Variants in OPRM1 observed in about 807,000 individuals in gnomAD.
OPRM1 encodes the protein mu-type opioid receptor.
In OPRM1, 27 loss-of-function variants were observed where a neutral mutation model predicts 31.8. The observed-to-expected ratio is 0.85, with a 90% CI of 0.63 to 1.17. OPRM1 has a LOEUF of 1.17. Among genes scored for constraint, OPRM1 ranks in the 50% most tolerant of loss-of-function variants. OPRM1 has a pLI of 0.00. For missense variants in OPRM1, 536 were observed against 511.1 expected, an observed-to-expected ratio of 1.05 and a Z score of -0.47; for synonymous variants, 196 against 189.9, an observed-to-expected ratio of 1.03 and a Z score of -0.26.
At chr6:154,100,434 G>C (rs546820344) in intron 3 of OPRM1, among the ~76,000 whole-genome samples, 1 of 151,708 alleles carries the variant, frequency 6.6e-6, no homozygotes, top group African/African-American at 2.4e-5. Flanking sequence ...TTGCTTTACT[G>C]TGTATGAATC....
chr6:154,142,496 A>T (rs1798245080), intron 3 of OPRM1, among the ~76,000 whole-genome samples: 1 of 151,992 alleles, frequency 6.6e-6, no homozygotes. Context: ...TCGCCCTGGG[A>T]TTATAGGCCA....
chr6:154,185,985 G>A (rs776228648), intron 3 of OPRM1, among the ~76,000 whole-genome samples: 3 of 152,200 alleles, frequency 2.0e-5, no homozygotes, highest in African/African-American at 7.2e-5. Context: ...CTTAACAGGG[G>A]TTATTGCTTG....
chr6:154,242,909 T>C (rs1452800100), intron 3 of OPRM1, among the ~76,000 whole-genome samples: 2 of 133,050 alleles, frequency 1.5e-5, no homozygotes, highest in Non-Finnish European at 1.6e-5. Flanking sequence ...AAGAAAAGTA[T>C]AGGCCACTCA....
chr6:154,110,271 A>T, intron 3 of OPRM1: 1 of 702,148 alleles, frequency 1.4e-6, no homozygotes, highest in Admixed American at 2.9e-5. Context: ...TTGGGGTATA[A>T]ATCATTGAAT....
In OPRM1 at chr6:154,089,856, C is replaced by T; in HGVS notation, c.321C>T (p.Ile107=). Residue 107 remains isoleucine (I), a synonymous_variant, in exon 2 of 4, where the codon ATC becomes ATT. Coordinates refer to ENST00000330432, the MANE Select transcript of OPRM1 (RefSeq NM_000914.5). ...CCAAGATGAAGACTGCCACCAACAT[C>T]TACATTTTCAACCTTGCTCTGGCAG... is the stretch of plus-strand genomic sequence containing the variant. ...RYTKMKTATN[I]YIFNLALADA... is the part of the protein sequence containing the mutation. 1 of 1,613,792 alleles carries T rather than the reference C, an allele frequency of 6.2e-7. No individual in the cohort carries two copies.
chr6:154,133,806 C>G (rs1369317035), downstream of OPRM1, among the ~76,000 whole-genome samples: 3 of 152,166 alleles, frequency 2.0e-5, no homozygotes, highest in African/African-American at 4.8e-5. Flanking sequence ...AGCGTAAGCC[C>G]TCCAAGTGCT....
intron 1 of OPRM1, among the ~76,000 whole-genome samples, chr6:154,029,088 G>A (rs1297060791): frequency 6.6e-6 from 1 of 152,122 alleles, no homozygotes; most frequent in Admixed American, 6.5e-5. Context: ...TAGCTTATCA[G>A]TAGCCCTTCT....
intron 3 of OPRM1, among the ~76,000 whole-genome samples, chr6:154,100,122 ATAT>A (rs1416970523): frequency 5.4e-5 from 2 of 37,018 alleles, no homozygotes; most frequent in Admixed American, 7.0e-4. Context: ...ATATATTATC[ATAT>A]TATGACATAT....
At chr6:154,099,686 T>A (rs1162300194) in intron 3 of OPRM1, among the ~76,000 whole-genome samples, 2 of 45,374 alleles carry the variant, frequency 4.4e-5, no homozygotes, top group East Asian at 2.4e-3. Flanking sequence ...CACATATATA[T>A]GATGTGGGTA....
At chr6:154,235,349 G>A (rs1252839941) in intron 3 of OPRM1, among the ~76,000 whole-genome samples, 1 of 152,086 alleles carries the variant, frequency 6.6e-6, no homozygotes, top group Non-Finnish European at 1.5e-5. Context: ...TGGCCCACAT[G>A]GCGAAAACCC....
At chr6:154,224,914 A>T (rs145678031) in intron 3 of OPRM1, among the ~76,000 whole-genome samples, 2,940 of 152,296 alleles carry the variant, frequency 0.019, 40 homozygotes, top group Middle Eastern at 0.071. Flanking sequence ...AAGGTATTCA[A>T]AGAATACAGA....
At chr6:154,141,201 G>A (rs1444841415) in intron 3 of OPRM1, among the ~76,000 whole-genome samples, 1 of 152,184 alleles carries the variant, frequency 6.6e-6, no homozygotes, top group Non-Finnish European at 1.5e-5. Flanking sequence ...TGGACACAAA[G>A]CACCTTCCCT....
intron 1 of OPRM1, among the ~76,000 whole-genome samples, chr6:154,071,781 T>G (rs1216718230): frequency 6.6e-6 from 1 of 152,224 alleles, no homozygotes; most frequent in Non-Finnish European, 1.5e-5. Flanking sequence ...CAGTGGTCAA[T>G]GACAATAAGA....
intron 3 of OPRM1, among the ~76,000 whole-genome samples, chr6:154,200,810 G>A (rs1777006886): frequency 6.6e-6 from 1 of 152,158 alleles, no homozygotes; most frequent in African/African-American, 2.4e-5. Context: ...ACTCCTTAGT[G>A]CATGAAAAGC....
At chr6:154,240,756 C>T (rs13206378) in intron 3 of OPRM1, among the ~76,000 whole-genome samples, 4,919 of 152,298 alleles carry the variant, frequency 0.032, 100 homozygotes, top group African/African-American at 0.052. Context: ...AGATGGAACA[C>T]ATCTCATGCA....
At position 154,075,283 on chromosome 6, in the gene OPRM1, A is replaced by G. The variant is rs539949665; in HGVS notation, c.291-14543A>G. 3.3e-5 allele frequency among the ~76,000 whole-genome samples: 5 copies of G among 152,324 alleles called. No homozygotes were observed. The South Asian group carries it at 8.3e-4, about 25-fold the overall frequency. The stretch of plus-strand genomic sequence containing the variant: ...GAAACATGCTTTTTAGAGACATTGA[A>G]GTAAATAGCAAAATAATCAGTTACA... On this transcript the variant is annotated intron_variant, in intron 1 of 3. Coordinates refer to ENST00000330432, the MANE Select transcript of OPRM1 (RefSeq NM_000914.5).
At chr6:154,239,551 G>A (rs1049502246) in intron 3 of OPRM1, among the ~76,000 whole-genome samples, 3 of 152,074 alleles carry the variant, frequency 2.0e-5, no homozygotes, top group African/African-American at 7.2e-5. Flanking sequence ...GCGGTAAACC[G>A]GTCACCTACA....
chr6:154,120,908 G>A lies in OPRM1; in HGVS notation c.*2187G>A, dbSNP rs1428804754. Among the ~76,000 whole-genome samples the A allele has an allele frequency of 6.6e-6, 1 of 152,094 alleles. No homozygotes were observed. Among genetic ancestry groups the A allele is most frequent in the Non-Finnish European group, 1.5e-5 (1 of 68,008 alleles). ...CATGTCATCTTTGAGACTCTACACAGAATACACAATAAAGGGAGTTATTTT... is the reference window on the plus strand; with the variant it reads ...CATGTCATCTTTGAGACTCTACACAAAATACACAATAAAGGGAGTTATTTT... On this transcript the variant is annotated 3_prime_UTR_variant, in exon 4 of 4. Coordinates refer to ENST00000330432, the MANE Select transcript of OPRM1 (RefSeq NM_000914.5).
intron 3 of OPRM1, among the ~76,000 whole-genome samples, chr6:154,102,746 C>T (rs1000768333): frequency 6.6e-6 from 1 of 152,084 alleles, no homozygotes; most frequent in African/African-American, 2.4e-5. Flanking sequence ...ATTGATCTAA[C>T]CTGTTTAATT....
Sources: gnomAD v4.1 joint callset for allele counts (sites outside exome capture counted in the v4.1 genomes callset) on GRCh38, gnomAD v4.1.1 for gene constraint, MANE v1.5 for transcripts, NCBI Gene and HGNC (gene_info 2026-07-23, HGNC 2026-07-21) for gene names.